The following ADAM7 variants were observed in gnomAD, a reference collection of about 807,000 sequenced individuals.
The protein encoded by ADAM7 is ADAM metallopeptidase domain 7, also known as disintegrin and metalloproteinase domain-containing protein 7.
Under a neutral mutation model 102.9 loss-of-function variants are expected in ADAM7, and 97 were observed. The ratio of observed to expected loss-of-function variants is 0.94; its 90% CI spans 0.80 to 1.12. The LOEUF (loss-of-function observed/expected upper bound fraction) is 1.12. Among genes scored for constraint, ADAM7 ranks in the 50% most tolerant of loss-of-function variants. The pLI is 0.00. For missense variants in ADAM7, 991 were observed against 908.7 expected (o/e 1.09, Z -1.16); for synonymous variants, 334 against 304.4 (o/e 1.10, Z -1.01).
chr8:24,508,933 T>C lies in ADAM7; in HGVS notation c.*387T>C, dbSNP rs904078791. ...ACATTGCATATAAAAAGTTACTTTT[T>C]TGGAAACATAAAAGTACGTTTTAAA... On this transcript the variant is annotated 3_prime_UTR_variant, in exon 22 of 22. Coordinates refer to ENST00000175238, the MANE Select transcript of ADAM7 (RefSeq NM_003817.4). 4.8e-6 allele frequency: 5 copies of C among 1,036,472 alleles called. No homozygotes were observed. The African/African-American group carries it at 8.4e-5, about 18-fold the overall frequency. 64.2% of individuals were successfully genotyped at this position (1,036,472 alleles called of 1,614,324 possible).
intron 5 of ADAM7, among the ~76,000 whole-genome samples, chr8:24,466,199 T>C (rs1341887292): frequency 6.6e-6 from 1 of 152,200 alleles, no homozygotes; most frequent in East Asian, 1.9e-4. Flanking sequence ...TTTTAGCTTT[T>C]TACTAAATTG....
chr8:24,495,675 T>G (rs1023753637), intron 16 of ADAM7, among the ~76,000 whole-genome samples: 39 of 152,212 alleles, frequency 2.6e-4, no homozygotes, highest in African/African-American at 9.2e-4. Context: ...GCAAAGAGAC[T>G]GGTAGCATTT....
In ADAM7 at chr8:24,506,404, T is replaced by C. The variant is rs140036040; in HGVS notation, c.2209-1076T>C. Among the ~76,000 whole-genome samples, 733 of 152,220 alleles carry C rather than the reference T, an allele frequency of 4.8e-3. 8 individuals carry two copies. The highest frequency in any genetic ancestry group is 0.024 in the South Asian group (115 of 4,808). On this transcript the variant is annotated intron_variant, in intron 20 of 21. Coordinates refer to ENST00000175238, the MANE Select transcript of ADAM7 (RefSeq NM_003817.4). ...TCCTAGGGCAGACCCAAGTTTTTGT[T>C]TAAAATGTTGGCATTTTGTTCACCA...
chr8:24,470,109 A>G (rs1819556172), intron 7 of ADAM7, among the ~76,000 whole-genome samples: 1 of 152,194 alleles, frequency 6.6e-6, no homozygotes, highest in Non-Finnish European at 1.5e-5. Flanking sequence ...TCAAAGACAA[A>G]GAAAAAATCT....
intron 3 of ADAM7, among the ~76,000 whole-genome samples, chr8:24,454,883 G>A (rs947281222): frequency 6.6e-6 from 1 of 151,998 alleles, no homozygotes. Context: ...ATCTTTCTAG[G>A]ACAACAATGT....
intron 3 of ADAM7, among the ~76,000 whole-genome samples, chr8:24,451,450 G>GTAT (rs1818785267): frequency 6.6e-6 from 1 of 152,172 alleles, no homozygotes; most frequent in African/African-American, 2.4e-5. Flanking sequence ...GGTGTTTGTA[G>GTAT]TATTCTCTGA....
chr8:24,501,654 C>T (rs541314920), intron 20 of ADAM7, 78 bp downstream of exon 20: 37 of 1,070,224 alleles, frequency 3.5e-5, no homozygotes, highest in African/African-American at 2.9e-4. Context: ...AAGTAGAACC[C>T]GTCCTAAGCT....
At chr8:24,442,711 T>C (rs965574236) in intron 2 of ADAM7, 135 bp downstream of exon 2, 24 of 696,684 alleles carry the variant, frequency 3.4e-5, no homozygotes, top group Non-Finnish European at 5.8e-5. Flanking sequence ...GCATACACCA[T>C]GTGCTTGGGA....
intron 16 of ADAM7, among the ~76,000 whole-genome samples, chr8:24,497,539 T>A (rs1820600908): frequency 6.6e-6 from 1 of 151,854 alleles, no homozygotes; most frequent in South Asian, 2.1e-4. Flanking sequence ...CACAATAACA[T>A]AAAGGAATGT....
At chr8:24,449,603 T>C (rs1239981513) in intron 3 of ADAM7, among the ~76,000 whole-genome samples, 1 of 152,236 alleles carries the variant, frequency 6.6e-6, no homozygotes, top group Non-Finnish European at 1.5e-5. Context: ...GTAGGTTGCC[T>C]GTTCACTCTG....
chr8:24,509,492 A>T lies in ADAM7; in HGVS notation c.*946A>T, dbSNP rs1334028576. ...CATTATTTTTTTTCCATTTACTGAAATAAAGTTTTCAAGTTCTAAATAAAA... is the reference window on the plus strand; with the variant it reads ...CATTATTTTTTTTCCATTTACTGAATTAAAGTTTTCAAGTTCTAAATAAAA... On this transcript the variant is annotated 3_prime_UTR_variant, in exon 22 of 22. Coordinates refer to ENST00000175238, the MANE Select transcript of ADAM7 (RefSeq NM_003817.4). 1.0e-6 allele frequency: 1 copy of T among 984,234 alleles called. No individual in the cohort carries two copies. The highest frequency in any genetic ancestry group is 1.2e-6 in the Non-Finnish European group (1 of 828,954). 61.0% of individuals were successfully genotyped at this position (984,234 alleles called of 1,614,324 possible).
chr8:24,445,792 T>C (rs1818537292), intron 2 of ADAM7, among the ~76,000 whole-genome samples: 2 of 152,226 alleles, frequency 1.3e-5, no homozygotes, highest in Admixed American at 1.3e-4. Context: ...CACTTTGTCA[T>C]TTCATTTCTA....
chr8:24,454,413 T>G (rs909396564), intron 3 of ADAM7, among the ~76,000 whole-genome samples: 1 of 152,142 alleles, frequency 6.6e-6, no homozygotes, highest in Non-Finnish European at 1.5e-5. Context: ...CAGACTGCTG[T>G]GCTAGCAATC....
chr8:24,457,106 C>T (rs1365939016), intron 3 of ADAM7, among the ~76,000 whole-genome samples: 1 of 152,158 alleles, frequency 6.6e-6, no homozygotes, highest in Non-Finnish European at 1.5e-5. Flanking sequence ...ATGTATTCCT[C>T]ATCATTTTAT....
chr8:24,489,248 C>T lies in ADAM7; in HGVS notation c.1181C>T (p.Pro394Leu), dbSNP rs775928329. 3 of 1,613,636 alleles carry T rather than the reference C, an allele frequency of 1.9e-6. No individual in the cohort carries two copies. In the South Asian group the frequency reaches 3.3e-5, roughly 18 times the overall value. Residue 394 changes from proline (P) to leucine (L), a missense_variant, in exon 12 of 22, where the codon CCA becomes CTA. Pro to Leu is a moderately conservative substitution (Grantham distance 98). Coordinates refer to ENST00000175238, the MANE Select transcript of ADAM7 (RefSeq NM_003817.4). ...AAGCCAACATGCATGCTCAACATTC[C>T]ATTTCCTTACAATTTTCATGATTTC... is the stretch of plus-strand genomic sequence containing the variant. ...DYKPTCMLNI[P>L]FPYNFHDFQF...
chr8:24,489,420 C>T lies in ADAM7; in HGVS notation c.1266+87C>T, dbSNP rs547629308. 12 of 1,265,826 alleles carry T rather than the reference C, an allele frequency of 9.5e-6. 1 individual carries two copies. In the South Asian group the frequency reaches 1.1e-4, roughly 11 times the overall value. 78.4% of individuals were successfully genotyped at this position (1,265,826 alleles called of 1,614,324 possible). ...GGATGTGGCCATTAATCAAACCAAC[C>T]GTGGTGTTCCTTGTAAAACTTTTAA... is the stretch of plus-strand genomic sequence containing the variant. On this transcript the variant is annotated intron_variant, in intron 12 of 21. Transcript: ENST00000175238.
intron 3 of ADAM7, among the ~76,000 whole-genome samples, chr8:24,463,106 T>A (rs1819303978): frequency 6.6e-6 from 1 of 152,178 alleles, no homozygotes; most frequent in Admixed American, 6.5e-5. Context: ...ATTTTTATTA[T>A]GTAGCAAACA....
chr8:24,496,911 T>C (rs1426652574), intron 16 of ADAM7, among the ~76,000 whole-genome samples: 1 of 152,082 alleles, frequency 6.6e-6, no homozygotes, highest in Non-Finnish European at 1.5e-5. Context: ...TGGGAAGGCA[T>C]GATTGGTTTT....
chr8:24,483,360 A>G (rs1445317708), intron 9 of ADAM7, among the ~76,000 whole-genome samples: 2 of 152,178 alleles, frequency 1.3e-5, no homozygotes, highest in African/African-American at 4.8e-5. Flanking sequence ...ATCTTTTAGA[A>G]TCTCTTCTGA....
Sources: allele counts gnomAD v4.1 joint callset (sites outside exome capture counted in the v4.1 genomes callset), GRCh38; gene constraint gnomAD v4.1.1; transcripts MANE v1.5; gene names NCBI Gene and HGNC (gene_info 2026-07-23, HGNC 2026-07-21).